The following OPCML variants were observed in gnomAD, a reference collection of about 807,000 sequenced individuals.
OPCML encodes the protein opioid binding protein/cell adhesion molecule like, also known as opioid-binding protein/cell adhesion molecule.
OPCML carries 13 observed loss-of-function variants against 37.8 expected under a neutral mutation model. That is an observed-to-expected ratio of 0.34 (90% confidence interval 0.22 to 0.55). The LOEUF is 0.55. Ranked by LOEUF, OPCML falls within the 20% of genes least tolerant of loss-of-function variation. OPCML has a pLI of 0.91. For synonymous variants in OPCML, 176 were observed against 168.8 expected (o/e 1.04, Z -0.33); for missense variants, 341 against 435.6 (o/e 0.78, Z 1.93).
At chr11:132,906,604 C>T (rs572636457) in intron 2 of OPCML, among the ~76,000 whole-genome samples, 164 of 152,264 alleles carry the variant, frequency 1.1e-3, no homozygotes, top group African/African-American at 3.8e-3. Context: ...TAATCCTTGC[C>T]CTTGAGGAAC....
At chr11:133,130,379 T>C (rs1476591741) in intron 1 of OPCML, among the ~76,000 whole-genome samples, 1 of 152,100 alleles carries the variant, frequency 6.6e-6, no homozygotes, top group African/African-American at 2.4e-5. Flanking sequence ...ACATAAAAAA[T>C]GTTTTTAGAA....
intron 2 of OPCML, among the ~76,000 whole-genome samples, chr11:132,732,764 T>C (rs1945122028): frequency 6.6e-6 from 1 of 152,030 alleles, no homozygotes; most frequent in African/African-American, 2.4e-5. Context: ...TTGAACTGCA[T>C]GAAATAAAGC....
intron 1 of OPCML, among the ~76,000 whole-genome samples, chr11:133,439,941 TA>T (rs1423062062): frequency 6.6e-6 from 1 of 152,238 alleles, no homozygotes; most frequent in African/African-American, 2.4e-5. Context: ...GCCATTAATG[TA>T]ACTAGATATG....
chr11:132,756,675 C>T (rs1946059594), intron 2 of OPCML, among the ~76,000 whole-genome samples: 1 of 152,060 alleles, frequency 6.6e-6, no homozygotes, highest in South Asian at 2.1e-4. Context: ...AAATGAGGCT[C>T]CAAAATATTG....
chr11:133,256,534 T>G (rs1941316213), intron 1 of OPCML, among the ~76,000 whole-genome samples: 2 of 152,220 alleles, frequency 1.3e-5, no homozygotes, highest in African/African-American at 4.8e-5. Flanking sequence ...ATAATTTATT[T>G]TATAACCTTT....
At chr11:132,611,406 A>G (rs1938632176) in intron 3 of OPCML, among the ~76,000 whole-genome samples, 1 of 152,192 alleles carries the variant, frequency 6.6e-6, no homozygotes. Flanking sequence ...GACACCTGCA[A>G]CTAAAAATAA....
At chr11:132,859,620 T>G (rs755511734) in intron 2 of OPCML, 5 of 152,246 alleles carry the variant, frequency 3.3e-5, no homozygotes, top group Admixed American at 6.5e-5. Flanking sequence ...CAGAGTTTGA[T>G]TATTACAGCA....
intron 3 of OPCML, among the ~76,000 whole-genome samples, chr11:132,601,094 A>G (rs1426674480): frequency 6.6e-6 from 1 of 152,176 alleles, no homozygotes; most frequent in African/African-American, 2.4e-5. Context: ...CAAGTTGAAC[A>G]GAAGAACTGA....
chr11:133,382,601 T>A (rs903517250), intron 1 of OPCML, among the ~76,000 whole-genome samples: 1 of 152,206 alleles, frequency 6.6e-6, no homozygotes, highest in Non-Finnish European at 1.5e-5. Flanking sequence ...TGGGCATTTC[T>A]ATAAACCCAG....
In OPCML at chr11:132,568,528, T is replaced by C. The variant is rs1005583718; in HGVS notation, c.380-39342A>G. ...CCTTATAAGAAGAGAGAAATTTGGA[T>C]GCAGACACACGCAGAGGAAAGAATG... On this transcript the variant is annotated intron_variant, in intron 3 of 7. Transcript: ENST00000524381. Among the ~76,000 whole-genome samples, 9 of 152,178 alleles carry C rather than the reference T, an allele frequency of 5.9e-5. 1 individual carries two copies. The South Asian group carries it at 1.9e-3, about 32-fold the overall frequency.
intron 2 of OPCML, among the ~76,000 whole-genome samples, chr11:132,869,978 G>C (rs1307444124): frequency 1.3e-5 from 2 of 152,160 alleles, no homozygotes; most frequent in East Asian, 3.8e-4. Context: ...AATGAGTGTA[G>C]AAATCATAAT....
intron 1 of OPCML, among the ~76,000 whole-genome samples, chr11:133,342,237 T>C (rs934012255): frequency 1.3e-5 from 2 of 152,116 alleles, no homozygotes; most frequent in Non-Finnish European, 2.9e-5. Flanking sequence ...GGAAGAGAAC[T>C]AACACACTAG....
chr11:132,648,510 C>A (rs1038326657), intron 3 of OPCML, among the ~76,000 whole-genome samples: 1 of 150,988 alleles, frequency 6.6e-6, no homozygotes, highest in Non-Finnish European at 1.5e-5. Context: ...GGCCCTGACA[C>A]TTCTCTCTGT....
intron 2 of OPCML, among the ~76,000 whole-genome samples, chr11:132,927,296 T>C (rs35840833): frequency 0.13 from 19,351 of 152,098 alleles, 1,395 homozygotes; most frequent in East Asian, 0.34. Context: ...ATCTTGAAAG[T>C]AGCAAGAAAC....
chr11:133,094,833 G>A (rs1328037417), intron 1 of OPCML, among the ~76,000 whole-genome samples: 1 of 152,092 alleles, frequency 6.6e-6, no homozygotes, highest in Non-Finnish European at 1.5e-5. Flanking sequence ...TCTAACAGAT[G>A]TTTGAGTTTG....
At chr11:132,824,744 T>C (rs1940198516) in intron 2 of OPCML, among the ~76,000 whole-genome samples, 1 of 152,186 alleles carries the variant, frequency 6.6e-6, no homozygotes, top group Admixed American at 6.5e-5. Context: ...TTCCCGTGGC[T>C]GTAAACTTCA....
intron 3 of OPCML, among the ~76,000 whole-genome samples, chr11:132,574,007 G>A (rs1027977637): frequency 4.6e-5 from 7 of 151,656 alleles, no homozygotes; most frequent in African/African-American, 1.7e-4. Context: ...CCGATTAATT[G>A]GCGCTTAATT....
chr11:133,078,224 A>G (rs1423533489), intron 1 of OPCML, among the ~76,000 whole-genome samples: 1 of 152,116 alleles, frequency 6.6e-6, no homozygotes, highest in Non-Finnish European at 1.5e-5. Context: ...TGCGCAATGA[A>G]CTCAAGATGC....
At chr11:133,168,258 T>A (rs1468966784) in intron 1 of OPCML, among the ~76,000 whole-genome samples, 1 of 152,198 alleles carries the variant, frequency 6.6e-6, no homozygotes, top group African/African-American at 2.4e-5. Flanking sequence ...GGATGTGCTT[T>A]CCTCCTGGAA....
Sources: gnomAD v4.1 joint callset for allele counts (sites outside exome capture counted in the v4.1 genomes callset) on GRCh38, gnomAD v4.1.1 for gene constraint, MANE v1.5 for transcripts, NCBI Gene and HGNC (gene_info 2026-07-23, HGNC 2026-07-21) for gene names.